Variants in PRP4K observed in about 807,000 individuals in gnomAD.
PRP4K encodes the protein pre-mRNA processing factor kinase PRP4K.
chr6:4,058,082 T>C, the PRP4K span, among the ~76,000 whole-genome samples: 2 of 152,296 alleles, frequency 1.3e-5, no homozygotes, highest in East Asian at 1.9e-4. Context: ...TATAGCTCAC[T>C]GCAGCCTTGA....
At chr6:4,035,034 C>T in the PRP4K span, among the ~76,000 whole-genome samples, 2 of 151,868 alleles carry the variant, frequency 1.3e-5, no homozygotes, top group African/African-American at 2.4e-5. Context: ...AGACAACACT[C>T]TGTTCTTTTT....
the PRP4K span, chr6:4,021,555 A>C: frequency 5.3e-6 from 8 of 1,518,400 alleles, no homozygotes; most frequent in South Asian, 1.2e-5. Flanking sequence ...TTCGGGCCTA[A>C]CGGCGAGAGT....
At chr6:4,021,463 C>T in the PRP4K span, 18 of 1,583,230 alleles carry the variant, frequency 1.1e-5, no homozygotes, top group Non-Finnish European at 1.5e-5. Flanking sequence ...CGGGAGCAGC[C>T]AGAGTAAGTA....
the PRP4K span, chr6:4,048,994 C>A: frequency 5.0e-6 from 8 of 1,584,590 alleles, no homozygotes; most frequent in Non-Finnish European, 8.6e-7. Flanking sequence ...GTAAACTGTT[C>A]ATGTTGCCTC....
At chr6:4,025,021 C>A in the PRP4K span, among the ~76,000 whole-genome samples, 67,240 of 151,992 alleles carry the variant, frequency 0.44, 16,970 homozygotes, top group East Asian at 0.62. Flanking sequence ...TTAAGCAACC[C>A]CATGTTGTCT....
At chr6:4,054,878 C>T in the PRP4K span, among the ~76,000 whole-genome samples, 1 of 152,158 alleles carries the variant, frequency 6.6e-6, no homozygotes, top group Non-Finnish European at 1.5e-5. Context: ...TTACAGTGAG[C>T]GTCTTTGTGA....
the PRP4K span, among the ~76,000 whole-genome samples, chr6:4,060,155 C>G: frequency 5.9e-5 from 9 of 151,946 alleles, no homozygotes; most frequent in Non-Finnish European, 1.2e-4. This position sits in a 1 kb window ranked among gnomAD's most constrained non-coding sequence, Gnocchi z 4.7. Flanking sequence ...GGACTGAATA[C>G]TGTAGGCACT....
chr6:4,036,712 G>A, the PRP4K span, among the ~76,000 whole-genome samples: 13 of 151,902 alleles, frequency 8.6e-5, no homozygotes, highest in African/African-American at 1.9e-4. Context: ...ATTTTTGCCC[G>A]GGCATGGTGG....
the PRP4K span, chr6:4,064,054 C>T: frequency 6.6e-6 from 1 of 152,132 alleles, no homozygotes; most frequent in Non-Finnish European, 1.5e-5. Flanking sequence ...TGAAGATCAT[C>T]AGAAATGAGG....
At chr6:4,022,622 G>C in the PRP4K span, among the ~76,000 whole-genome samples, 1 of 152,114 alleles carries the variant, frequency 6.6e-6, no homozygotes, top group Admixed American at 6.5e-5. Context: ...CCAGTTTTGG[G>C]CTCCTCAATC....
the PRP4K span, chr6:4,060,997 A>T: frequency 4.2e-6 from 1 of 237,540 alleles, no homozygotes; most frequent in Non-Finnish European, 8.3e-6. The surrounding 1 kb of genome is among the most constrained non-coding windows in gnomAD (Gnocchi z 4.7). Flanking sequence ...AATGCTGTTT[A>T]TATTCACGTT....
chr6:4,048,166 C>G, the PRP4K span, among the ~76,000 whole-genome samples: 3 of 152,028 alleles, frequency 2.0e-5, no homozygotes, highest in Non-Finnish European at 4.4e-5. Flanking sequence ...ATCACGAGGT[C>G]AGGAGATCGA....
At chr6:4,032,675 G>C in the PRP4K span, 1 of 1,613,406 alleles carries the variant, frequency 6.2e-7, no homozygotes, top group Non-Finnish European at 8.5e-7. Flanking sequence ...CGCGGACACT[G>C]TCTCCTGGGA....
At chr6:4,063,253 C>G in the PRP4K span, 1 of 152,000 alleles carries the variant, frequency 6.6e-6, no homozygotes, top group Non-Finnish European at 1.5e-5. Context: ...TGGAGTGCGT[C>G]TGTAAAGTGC....
At chr6:4,047,172 A>C in the PRP4K span, 8 of 1,602,922 alleles carry the variant, frequency 5.0e-6, no homozygotes, top group Non-Finnish European at 6.8e-6. Context: ...AATTTCCTTT[A>C]AGGTTCATCT....
the PRP4K span, among the ~76,000 whole-genome samples, chr6:4,034,626 A>G: frequency 6.6e-6 from 1 of 152,208 alleles, no homozygotes; most frequent in East Asian, 1.9e-4. Flanking sequence ...AAACAGAACA[A>G]AAAACCCAAA....
the PRP4K span, among the ~76,000 whole-genome samples, chr6:4,040,350 A>G: frequency 2.0e-5 from 3 of 152,158 alleles, no homozygotes; most frequent in African/African-American, 7.2e-5. Context: ...GAACGTTTTC[A>G]TCACTCCAAG....
chr6:4,034,042 G>C, the PRP4K span, among the ~76,000 whole-genome samples: 1 of 152,034 alleles, frequency 6.6e-6, no homozygotes, highest in African/African-American at 2.4e-5. Context: ...TTATTAAAGA[G>C]AAATCCAAAT....
the PRP4K span, among the ~76,000 whole-genome samples, chr6:4,048,771 G>A: frequency 6.7e-6 from 1 of 150,270 alleles, no homozygotes; most frequent in Non-Finnish European, 1.5e-5. Flanking sequence ...GAGAAGGGGT[G>A]TCACTGTGTT....
Sources: allele counts gnomAD v4.1 joint callset (sites outside exome capture counted in the v4.1 genomes callset), GRCh38; gene constraint gnomAD v4.1.1; non-coding constraint Gnocchi (gnomAD v3.1); transcripts MANE v1.5; gene names NCBI Gene and HGNC (gene_info 2026-07-23, HGNC 2026-07-21).